The following NTAQ1 variants were observed in gnomAD, a reference collection of about 807,000 sequenced individuals.
The protein encoded by NTAQ1 is N-terminal glutamine amidase 1, also known as protein N-terminal glutamine amidohydrolase.
Under a neutral mutation model 28.2 loss-of-function variants are expected in NTAQ1, and 21 were observed. The observed-to-expected ratio is 0.74, with a 90% CI of 0.53 to 1.07. The LOEUF is 1.07. NTAQ1 is among the 50% of genes least tolerant of loss of function. NTAQ1 has a pLI of 0.00. For synonymous variants in NTAQ1, 105 were observed against 90.0 expected (o/e 1.17, Z -0.94); for missense variants, 264 against 256.6 (o/e 1.03, Z -0.20).
chr8:123,420,775 ATTTG>A lies in NTAQ1; in HGVS notation c.83+3847_83+3850del, dbSNP rs570669337. On this transcript the variant is annotated intron_variant, in intron 1 of 5. Transcript: ENST00000287387. ...TTTTTTGACTTCTTAAATTATTTTT[ATTTG>A]TTTATTTTTATTTATTTATTTATTT... Among the ~76,000 whole-genome samples, 226 of 150,960 alleles carry A rather than the reference ATTTG, an allele frequency of 1.5e-3. 2 individuals carry two copies. The highest frequency in any genetic ancestry group is 5.0e-3 in the African/African-American group (205 of 41,018).
downstream of NTAQ1, among the ~76,000 whole-genome samples, chr8:123,443,474 G>A (rs1425304516): frequency 6.6e-6 from 1 of 152,224 alleles, no homozygotes; most frequent in East Asian, 1.9e-4. Context: ...CCTTCAGCTT[G>A]CCCTTGAATT....
chr8:123,429,469 G>A (rs183559577), intron 2 of NTAQ1, among the ~76,000 whole-genome samples: 6 of 152,194 alleles, frequency 3.9e-5, no homozygotes, highest in Admixed American at 2.6e-4. Context: ...CTTGTGAGGC[G>A]GCTGAGGCGG....
intron 6 of NTAQ1, chr8:123,455,117 C>T (rs1207141201): frequency 6.6e-6 from 1 of 152,200 alleles, no homozygotes; most frequent in African/African-American, 2.4e-5. Context: ...TCTGTCTTCC[C>T]TTTTGGAAGG....
At chr8:123,444,042 AT>A (rs1815177460), downstream of NTAQ1, among the ~76,000 whole-genome samples, 3 of 136,184 alleles carry the variant, frequency 2.2e-5, no homozygotes, top group African/African-American at 8.4e-5. Flanking sequence ...TAATTTTTCT[AT>A]TTAAACTTTT....
At chr8:123,468,889 C>A (rs548208927) in exon 7 of NTAQ1, among the ~76,000 whole-genome samples, 21 of 152,126 alleles carry the variant, frequency 1.4e-4, no homozygotes, top group Non-Finnish European at 2.5e-4. Context: ...TACAGTCTCC[C>A]TTCTTTCTTT....
chr8:123,470,923 T>C (rs1010053360), downstream of NTAQ1, among the ~76,000 whole-genome samples: 2 of 151,068 alleles, frequency 1.3e-5, no homozygotes, highest in African/African-American at 4.9e-5. Context: ...TTTTTCTTTT[T>C]TTTTTTTCTT....
At position 123,437,194 on chromosome 8, in the gene NTAQ1, A is replaced by G; in HGVS notation, c.384-16A>G. The G allele has an allele frequency of 6.2e-7, 1 of 1,613,486 alleles. No individual in the cohort carries two copies. Among genetic ancestry groups the G allele is most frequent in the Middle Eastern group, 1.7e-4 (1 of 6,050 alleles). On this transcript the variant is annotated splice_polypyrimidine_tract_variant and intron_variant, in intron 4 of 5. Coordinates refer to ENST00000287387, the MANE Select transcript of NTAQ1 (RefSeq NM_018024.3). ...TGACATCTCCCTAATGTGAGTGTAT[A>G]TTGATTTTTCTGCAGGAAATTTAGA... is the stretch of plus-strand genomic sequence containing the variant.
At chr8:123,458,031 C>A (rs1262260907) in intron 6 of NTAQ1, among the ~76,000 whole-genome samples, 3 of 73,840 alleles carry the variant, frequency 4.1e-5, no homozygotes, top group Non-Finnish European at 7.9e-5. Flanking sequence ...AAGACTCTGT[C>A]TCAAAAAAAA....
chr8:123,473,469 T>C (rs2130451619), downstream of NTAQ1, among the ~76,000 whole-genome samples: 1 of 152,260 alleles, frequency 6.6e-6, no homozygotes, highest in East Asian at 1.9e-4. Context: ...CTAATTTTTG[T>C]ATTTTTAGTA....
intron 1 of NTAQ1, among the ~76,000 whole-genome samples, chr8:123,418,788 C>G (rs1226636715): frequency 6.6e-6 from 1 of 152,206 alleles, no homozygotes; most frequent in Non-Finnish European, 1.5e-5. Flanking sequence ...GATGACCACT[C>G]TACCACAGAG....
downstream of NTAQ1, among the ~76,000 whole-genome samples, chr8:123,449,969 A>ATG (rs1563902087): frequency 6.0e-5 from 4 of 66,242 alleles, no homozygotes; most frequent in Non-Finnish European, 1.2e-4. Context: ...ATATATATAT[A>ATG]TATATGCTGG....
chr8:123,454,608 G>A (rs1214786437), intron 6 of NTAQ1, among the ~76,000 whole-genome samples: 1 of 152,190 alleles, frequency 6.6e-6, no homozygotes, highest in Non-Finnish European at 1.5e-5. Flanking sequence ...GACCTCAGGT[G>A]TAGCAGTCGG....
chr8:123,457,031 A>G lies in NTAQ1; in HGVS notation c.373-10048A>G, dbSNP rs1186186433. 3.3e-5 allele frequency among the ~76,000 whole-genome samples: 5 copies of G among 152,266 alleles called. No homozygotes were observed. In the East Asian group the frequency reaches 9.6e-4, roughly 29 times the overall value. ...ATGTTTATGTTTCTTAAGCTGAGTG[A>G]TGGCTTAAAATTTTTTAAAAAATCT... On this transcript the variant is annotated intron_variant, in intron 6 of 6. Transcript: ENST00000650311.
At chr8:123,433,746 C>A (rs556693925) in intron 3 of NTAQ1, among the ~76,000 whole-genome samples, 41 of 152,128 alleles carry the variant, frequency 2.7e-4, no homozygotes, top group Non-Finnish European at 5.0e-4. Context: ...CCATGCCCAG[C>A]CTTTGGTTGT....
intron 6 of NTAQ1, among the ~76,000 whole-genome samples, chr8:123,447,780 AAAT>A (rs1815344002): frequency 6.6e-6 from 1 of 152,220 alleles, no homozygotes; most frequent in Non-Finnish European, 1.5e-5. Context: ...TGGCAGAAAA[AAAT>A]AACAAAAAAC....
At chr8:123,423,069 G>A (rs1049751486) in intron 1 of NTAQ1, among the ~76,000 whole-genome samples, 1 of 152,194 alleles carries the variant, frequency 6.6e-6, no homozygotes, top group Non-Finnish European at 1.5e-5. Flanking sequence ...ATAATTTGAA[G>A]TTGGGTAGTG....
chr8:123,446,470 G>A (rs1262735870), downstream of NTAQ1, among the ~76,000 whole-genome samples: 1 of 152,202 alleles, frequency 6.6e-6, no homozygotes, highest in Non-Finnish European at 1.5e-5. Context: ...AATAGGTGTG[G>A]CTGAGCTCCA....
At chr8:123,427,142 C>G (rs1343752591) in intron 1 of NTAQ1, among the ~76,000 whole-genome samples, 1 of 151,414 alleles carries the variant, frequency 6.6e-6, no homozygotes, top group East Asian at 1.9e-4. Context: ...CTAAAGAGAG[C>G]AGGGAACCAG....
downstream of NTAQ1, among the ~76,000 whole-genome samples, chr8:123,471,662 A>C (rs1345209387): frequency 6.6e-6 from 1 of 152,166 alleles, no homozygotes; most frequent in Non-Finnish European, 1.5e-5. Flanking sequence ...AGACAGGAAA[A>C]AATTAATGTC....
Sources: gnomAD v4.1 joint callset for allele counts (sites outside exome capture counted in the v4.1 genomes callset) on GRCh38, gnomAD v4.1.1 for gene constraint, MANE v1.5 for transcripts, NCBI Gene and HGNC (gene_info 2026-07-23, HGNC 2026-07-21) for gene names.